Variants in NPSR1 observed in about 807,000 individuals in gnomAD.
NPSR1 encodes neuropeptide S receptor.
Under a neutral mutation model 46.9 loss-of-function variants are expected in NPSR1, and 48 were observed. The ratio of observed to expected loss-of-function variants is 1.02; its 90% CI spans 0.81 to 1.30. The LOEUF (loss-of-function observed/expected upper bound fraction) is 1.30. Ranked by LOEUF, NPSR1 falls within the 50% of genes most tolerant of loss-of-function variation. The probability of loss-of-function intolerance (pLI) is 0.00; values close to 1 mark genes in which losing one functional copy is unlikely to be tolerated. For missense variants in NPSR1, 450 were observed against 449.5 expected (o/e 1.00, Z -0.01); for synonymous variants, 176 against 168.1 (o/e 1.05, Z -0.36).
chr7:34,695,997 GC>G (rs1457805735), intron 2 of NPSR1, among the ~76,000 whole-genome samples: 5 of 149,210 alleles, frequency 3.4e-5, no homozygotes, highest in Admixed American at 2.7e-4. Flanking sequence ...AAAGACATTT[GC>G]CCTCATATGT....
intron 8 of NPSR1, among the ~76,000 whole-genome samples, chr7:34,876,748 A>G (rs189899059): frequency 2.0e-4 from 31 of 152,348 alleles, no homozygotes; most frequent in African/African-American, 7.2e-4. Flanking sequence ...ATATCTCTTG[A>G]GTCATGACCT....
At chr7:34,865,607 G>T (rs1451807702) in intron 8 of NPSR1, among the ~76,000 whole-genome samples, 1 of 151,658 alleles carries the variant, frequency 6.6e-6, no homozygotes, top group Non-Finnish European at 1.5e-5. Context: ...TTGATCTCTA[G>T]AAATCTTTCC....
intron 8 of NPSR1, chr7:34,871,519 G>T (rs1791452147): frequency 6.6e-6 from 1 of 151,764 alleles, no homozygotes; most frequent in Admixed American, 6.5e-5. Flanking sequence ...GTCCCCCAAA[G>T]TCTTAAGTCT....
chr7:34,848,534 TC>T lies in NPSR1; in HGVS notation c.897del (p.Phe299LeufsTer15). On this transcript the variant is annotated frameshift_variant, in exon 8 of 9. Coordinates refer to ENST00000360581, the MANE Select transcript of NPSR1 (RefSeq NM_207172.2). LOFTEE classifies it high-confidence loss of function. ...TTCCTGTTTGACATTTTGGACAATT[TC>T]AACCTCCTTCCAGACACCCAGGAGC... ...PYFLFDILDN[F>X]NLLPDTQERF... 2.5e-6 allele frequency: 4 copies of T among 1,614,212 alleles called. No individual in the cohort carries two copies.
At chr7:34,805,310 G>A (rs1182031212) in intron 3 of NPSR1, among the ~76,000 whole-genome samples, 1 of 151,782 alleles carries the variant, frequency 6.6e-6, no homozygotes, top group Non-Finnish European at 1.5e-5. Context: ...AAGACAGCAT[G>A]GTATTGGTAA....
chr7:34,872,282 C>T (rs1791475307), intron 8 of NPSR1, among the ~76,000 whole-genome samples: 1 of 151,982 alleles, frequency 6.6e-6, no homozygotes, highest in Non-Finnish European at 1.5e-5. Flanking sequence ...AGCAGTGTGG[C>T]AGCACAGGGA....
At chr7:34,785,111 G>C (rs1179756499) in intron 3 of NPSR1, among the ~76,000 whole-genome samples, 1 of 151,698 alleles carries the variant, frequency 6.6e-6, no homozygotes, top group East Asian at 1.9e-4. Flanking sequence ...ATTCACAATA[G>C]CAAAGACTTG....
chr7:34,658,930 C>T (rs935351505), intron 1 of NPSR1, among the ~76,000 whole-genome samples: 29 of 152,228 alleles, frequency 1.9e-4, no homozygotes, highest in African/African-American at 6.7e-4. Flanking sequence ...GAGTTTTTTG[C>T]TAGGAACACC....
chr7:34,763,007 G>A (rs1786249651), intron 2 of NPSR1, among the ~76,000 whole-genome samples: 2 of 152,156 alleles, frequency 1.3e-5, no homozygotes, highest in South Asian at 4.1e-4. Context: ...CTTTACACAG[G>A]GTGAATCCTA....
In NPSR1 at chr7:34,737,854, G is replaced by A. The variant is rs114400271; in HGVS notation, c.281-40608G>A. ...TGGGGCTTTTAAAGTGTCTCTACAC[G>A]GATGACCCCTGAAGTGATATCTCCT... On this transcript the variant is annotated intron_variant, in intron 2 of 8. Transcript: ENST00000360581. Among the ~76,000 whole-genome samples, 1,100 of 152,184 alleles carry A rather than the reference G, an allele frequency of 7.2e-3. 15 individuals are homozygous for A. Among genetic ancestry groups the A allele is most frequent in the African/African-American group, 0.025 (1,040 of 41,522 alleles).
intron 2 of NPSR1, among the ~76,000 whole-genome samples, chr7:34,775,184 T>C (rs1375128475): frequency 6.6e-6 from 1 of 152,210 alleles, no homozygotes; most frequent in East Asian, 1.9e-4. Context: ...TACAGAATGT[T>C]CAGATGGTCC....
intron 2 of NPSR1, among the ~76,000 whole-genome samples, chr7:34,765,829 T>G (rs939979169): frequency 1.3e-5 from 2 of 152,148 alleles, no homozygotes; most frequent in African/African-American, 4.8e-5. Context: ...ATGTTCTCAT[T>G]TATAAGTGGG....
intron 3 of NPSR1, among the ~76,000 whole-genome samples, chr7:34,788,009 A>G (rs961937436): frequency 1.3e-5 from 2 of 152,130 alleles, no homozygotes; most frequent in African/African-American, 2.4e-5. Flanking sequence ...CAAACCTTCA[A>G]TTTGTAAAAA....
At chr7:34,783,909 A>C (rs1787344389) in intron 3 of NPSR1, among the ~76,000 whole-genome samples, 1 of 152,120 alleles carries the variant, frequency 6.6e-6, no homozygotes, top group African/African-American at 2.4e-5. Flanking sequence ...TACCCAACAA[A>C]GCTGTCCTTT....
intron 2 of NPSR1, among the ~76,000 whole-genome samples, chr7:34,709,340 G>A (rs1794271102): frequency 6.6e-6 from 1 of 152,066 alleles, no homozygotes; most frequent in South Asian, 2.1e-4. Context: ...ATTATTACCT[G>A]TTCTCAATTT....
chr7:34,810,889 G>A (rs1788949157), intron 3 of NPSR1, among the ~76,000 whole-genome samples: 1 of 152,144 alleles, frequency 6.6e-6, no homozygotes, highest in South Asian at 2.1e-4. Context: ...GATGAAAAGG[G>A]AGAGTTCCCT....
At chr7:34,747,998 A>G (rs2128722302) in intron 2 of NPSR1, among the ~76,000 whole-genome samples, 1 of 152,300 alleles carries the variant, frequency 6.6e-6, no homozygotes, top group Non-Finnish European at 1.5e-5. Context: ...TTTACTGTGC[A>G]GCAAGGCTTT....
intron 2 of NPSR1, among the ~76,000 whole-genome samples, chr7:34,736,357 A>G (rs1181332793): frequency 6.6e-6 from 1 of 152,118 alleles, no homozygotes; most frequent in Non-Finnish European, 1.5e-5. Flanking sequence ...ACTCATCTTC[A>G]TCTGTTTTTT....
At chr7:34,781,914 A>G (rs1787247588) in intron 3 of NPSR1, among the ~76,000 whole-genome samples, 1 of 152,186 alleles carries the variant, frequency 6.6e-6, no homozygotes, top group Non-Finnish European at 1.5e-5. Flanking sequence ...TAACCACCAT[A>G]GAGAGCTAGC....
Sources: allele counts gnomAD v4.1 joint callset (sites outside exome capture counted in the v4.1 genomes callset), GRCh38; gene constraint gnomAD v4.1.1; transcripts MANE v1.5; gene names NCBI Gene and HGNC (gene_info 2026-07-23, HGNC 2026-07-21).